The following FANCL variants were observed in gnomAD, a reference collection of about 807,000 sequenced individuals.
The protein encoded by FANCL is FA complementation group L.
In FANCL, 69 loss-of-function variants were observed where a neutral mutation model predicts 59.4. The ratio of observed to expected loss-of-function variants is 1.16; its 90% CI spans 0.96 to 1.42. The LOEUF is 1.42. FANCL is among the 40% of genes most tolerant of loss of function. FANCL has a pLI of 0.00. For missense variants in FANCL, 519 were observed against 447.2 expected (o/e 1.16, Z -1.45); for synonymous variants, 180 against 147.1 (o/e 1.22, Z -1.62).
intron 2 of FANCL, among the ~76,000 whole-genome samples, chr2:58,230,361 G>A (rs947189095): frequency 6.6e-6 from 1 of 151,940 alleles, no homozygotes; most frequent in Non-Finnish European, 1.5e-5. Flanking sequence ...GCTGGCTGGA[G>A]TGCAGTAGAA....
chr2:58,229,751 G>A lies in FANCL; in HGVS notation c.216+63C>T, dbSNP rs572623932. On this transcript the variant is annotated intron_variant, in intron 3 of 13. Transcript: ENST00000233741. The stretch of plus-strand genomic sequence containing the variant: ...ACATTGTGCAAAGCAGGTCTTTAAA[G>A]AACAATAAATTTAGTAATTTCTTAT... 11 of 1,247,038 alleles carry A rather than the reference G, an allele frequency of 8.8e-6. No individual in the cohort carries two copies. In the African/African-American group the frequency reaches 1.2e-4, roughly 13 times the overall value. 77.2% of individuals were successfully genotyped at this position (1,247,038 alleles called of 1,614,324 possible). A position where few individuals can be genotyped will look rare whatever the true frequency, so the allele number is the denominator to read the frequency against.
chr2:58,213,118 T>C (rs1691344563), intron 5 of FANCL, among the ~76,000 whole-genome samples: 1 of 152,226 alleles, frequency 6.6e-6, no homozygotes, highest in African/African-American at 2.4e-5. Context: ...TACAAGATTA[T>C]TATTTAGAGT....
intron 1 of FANCL, among the ~76,000 whole-genome samples, chr2:58,236,080 A>T (rs891912292): frequency 6.6e-6 from 1 of 151,720 alleles, no homozygotes; most frequent in African/African-American, 2.4e-5. Context: ...AAGAAAAAAT[A>T]ATGGCAGATG....
At chr2:58,166,056 T>A (rs1380459058) in intron 7 of FANCL, among the ~76,000 whole-genome samples, 182 bp from the exon 8 acceptor site, 1 of 152,224 alleles carries the variant, frequency 6.6e-6, no homozygotes, top group Non-Finnish European at 1.5e-5. Flanking sequence ...TTTACAGGAT[T>A]CTTTTTTATT....
chr2:58,161,663 A>G (rs749530493), intron 11 of FANCL, 25 bp from the exon 12 acceptor site: 44 of 1,465,262 alleles, frequency 3.0e-5, no homozygotes, highest in Non-Finnish European at 2.3e-5. Context: ...TATTTATAAA[A>G]AGCGTATGTG....
chr2:58,177,242 G>A lies in FANCL; in HGVS notation c.541-11368C>T, dbSNP rs547008795. On this transcript the variant is annotated intron_variant, in intron 7 of 13. Coordinates refer to ENST00000233741, the MANE Select transcript of FANCL (RefSeq NM_018062.4). ...GTGTGGCGATTCCTCAGGGATCTAG[G>A]ACTAGAAATACCATTTGACCCAGCC... Among the ~76,000 whole-genome samples, 17 of 152,084 alleles carry A rather than the reference G, an allele frequency of 1.1e-4. No homozygotes were observed. The East Asian group carries it at 2.1e-3, about 19-fold the overall frequency.
intron 7 of FANCL, among the ~76,000 whole-genome samples, chr2:58,180,413 T>A (rs555838959): frequency 1.7e-4 from 26 of 152,264 alleles, no homozygotes; most frequent in African/African-American, 6.3e-4. Context: ...GTTCATGTCC[T>A]TTGCAGGGAC....
intron 7 of FANCL, among the ~76,000 whole-genome samples, chr2:58,193,482 T>C (rs1359938809): frequency 6.6e-6 from 1 of 152,136 alleles, no homozygotes; most frequent in Non-Finnish European, 1.5e-5. Flanking sequence ...ACTAAGTCTA[T>C]AGGTCAAATG....
rs747717397 is a variant in FANCL, at chr2:58,161,532, C to T, written c.1010G>A (p.Cys337Tyr). The part of the protein sequence containing the change: ...SQCGQPFHQI[C>Y]LYEWLRGLLT... The stretch of plus-strand genomic sequence containing the variant: ...ATTTTTATTTTTTACCTCATATAAG[C>T]ATATTTGATGGAAAGGTTGTCCACA... The change falls in exon 12 of 14, where the codon TGC (cysteine) becomes TAC (tyrosine). Residue 337 changes from cysteine to tyrosine, a missense_variant. Cys to Tyr is a radical substitution (Grantham distance 194). Transcript: ENST00000233741. The T allele has an allele frequency of 1.3e-6, 2 of 1,595,090 alleles. No individual in the cohort carries two copies. Among genetic ancestry groups the T allele is most frequent in the Non-Finnish European group, 1.7e-6 (2 of 1,163,212 alleles).
At chr2:58,205,635 AAAG>A (rs1328983700) in intron 5 of FANCL, among the ~76,000 whole-genome samples, 4 of 152,132 alleles carry the variant, frequency 2.6e-5, no homozygotes, top group Non-Finnish European at 2.9e-5. Flanking sequence ...AGTTACAAAA[AAAG>A]AAGAAGGAAT....
At chr2:58,207,615 G>A (rs1332650607) in intron 5 of FANCL, among the ~76,000 whole-genome samples, 1 of 152,132 alleles carries the variant, frequency 6.6e-6, no homozygotes, top group Non-Finnish European at 1.5e-5. Flanking sequence ...TTTGTTAATA[G>A]TGGCCTAGCC....
chr2:58,168,166 G>A (rs994213251), intron 7 of FANCL, among the ~76,000 whole-genome samples: 1 of 152,046 alleles, frequency 6.6e-6, no homozygotes, highest in African/African-American at 2.4e-5. Flanking sequence ...TGGCAAGATG[G>A]CCAAACAGGA....
intron 7 of FANCL, among the ~76,000 whole-genome samples, chr2:58,189,826 A>G (rs1436110395): frequency 6.6e-6 from 1 of 152,090 alleles, no homozygotes; most frequent in Non-Finnish European, 1.5e-5. Flanking sequence ...GATGACACTT[A>G]AATTAATAGC....
intron 6 of FANCL, among the ~76,000 whole-genome samples, chr2:58,199,670 A>G (rs1024279975): frequency 6.6e-6 from 1 of 152,148 alleles, no homozygotes; most frequent in Admixed American, 6.5e-5. Flanking sequence ...TCTTAAAATC[A>G]ATTTCCTTAT....
Position 58,235,197 on chromosome 2 carries a change from G to A in FANCL, c.97-3085C>T, listed in dbSNP as rs183356987. On this transcript the variant is annotated intron_variant, in intron 1 of 13. Coordinates refer to ENST00000233741, the MANE Select transcript of FANCL (RefSeq NM_018062.4). The stretch of plus-strand genomic sequence containing the variant: ...AGTAGAGAAATATACACAGAGAAAC[G>A]CCAGCGAATTTCAGAGGATTCCTGA... Among the ~76,000 whole-genome samples the A allele has an allele frequency of 4.6e-5, 7 of 152,058 alleles. No individual in the cohort carries two copies. In the East Asian group the frequency reaches 1.4e-3, roughly 30 times the overall value.
intron 5 of FANCL, among the ~76,000 whole-genome samples, chr2:58,218,077 C>T (rs1287534170): frequency 2.6e-5 from 4 of 151,822 alleles, no homozygotes; most frequent in African/African-American, 9.7e-5. Flanking sequence ...AAGAGATATA[C>T]TAAATAAGTC....
At chr2:58,228,261 G>A (rs893845914) in intron 3 of FANCL, among the ~76,000 whole-genome samples, 5 of 152,102 alleles carry the variant, frequency 3.3e-5, no homozygotes, top group Admixed American at 3.3e-4. Context: ...CCATTTCCTA[G>A]AAATCCTTCA....
At chr2:58,217,166 T>TTATATA (rs1158149205) in intron 5 of FANCL, among the ~76,000 whole-genome samples, 13 of 47,324 alleles carry the variant, frequency 2.7e-4, no homozygotes, top group Admixed American at 3.2e-4. Context: ...TTTATATATT[T>TTATATA]TATATATATA....
At chr2:58,163,793 T>A (rs1685571102) in intron 8 of FANCL, among the ~76,000 whole-genome samples, 1 of 152,012 alleles carries the variant, frequency 6.6e-6, no homozygotes, top group African/African-American at 2.4e-5. Flanking sequence ...AAAGTTTAAA[T>A]AAAAATGTTC....
Sources: gnomAD v4.1 joint callset for allele counts (sites outside exome capture counted in the v4.1 genomes callset) on GRCh38, gnomAD v4.1.1 for gene constraint, MANE v1.5 for transcripts, NCBI Gene and HGNC (gene_info 2026-07-23, HGNC 2026-07-21) for gene names.